Variants in NTRK2 observed in about 807,000 individuals in gnomAD.
NTRK2 encodes the protein neurotrophic receptor tyrosine kinase 2, also known as BDNF/NT-3 growth factors receptor.
NTRK2 carries 13 observed loss-of-function variants against 94.5 expected under a neutral mutation model. The ratio of observed to expected loss-of-function variants is 0.14; its 90% CI spans 0.09 to 0.22. The LOEUF (loss-of-function observed/expected upper bound fraction) is 0.22. NTRK2 is among the 10% of genes least tolerant of loss of function. NTRK2 has a pLI of 1.00. For missense variants in NTRK2, 639 were observed against 1,071.2 expected (o/e 0.60, Z 5.63); for synonymous variants, 372 against 407.4 (o/e 0.91, Z 1.05).
At chr9:84,979,172 G>C (rs1024455714) in intron 17 of NTRK2, among the ~76,000 whole-genome samples, 2 of 152,204 alleles carry the variant, frequency 1.3e-5, no homozygotes, top group African/African-American at 4.8e-5. Flanking sequence ...GGTAATAGCT[G>C]CCATAGAGAG....
intron 17 of NTRK2, among the ~76,000 whole-genome samples, chr9:84,983,463 T>A (rs1254073370): frequency 6.6e-6 from 1 of 152,224 alleles, no homozygotes; most frequent in African/African-American, 2.4e-5. Flanking sequence ...TATAAACAAC[T>A]GTCTTTGAAC....
chr9:85,003,685 C>A (rs1019908119), intron 17 of NTRK2, among the ~76,000 whole-genome samples: 1 of 151,938 alleles, frequency 6.6e-6, no homozygotes, highest in African/African-American at 2.4e-5. Flanking sequence ...GAAAAGAATC[C>A]TCCAGTTGCT....
At chr9:84,728,108 G>T in intron 9 of NTRK2, 149 bp downstream of exon 9, 1 of 767,092 alleles carries the variant, frequency 1.3e-6, no homozygotes, top group East Asian at 2.7e-5. Context: ...GGTCAGCGGA[G>T]TGGTTTTATT....
chr9:84,883,623 A>C (rs1442879817), intron 14 of NTRK2, among the ~76,000 whole-genome samples: 1 of 152,238 alleles, frequency 6.6e-6, no homozygotes, highest in Non-Finnish European at 1.5e-5. Flanking sequence ...AATACACCTG[A>C]CATGGGTCAC....
intron 12 of NTRK2, among the ~76,000 whole-genome samples, chr9:84,772,181 C>CCTCA (rs1343674892): frequency 1.3e-5 from 2 of 152,152 alleles, no homozygotes; most frequent in African/African-American, 4.8e-5. Flanking sequence ...ATAAAGCATA[C>CCTCA]CTCAGATGGA....
intron 12 of NTRK2, among the ~76,000 whole-genome samples, chr9:84,836,934 GTATAATATAA>G (rs56390905): frequency 0.21 from 27,492 of 134,028 alleles, 2,919 homozygotes; most frequent in Middle Eastern, 0.3. Context: ...TTGTCGTAGA[GTATAATATAA>G]TATAATATAA....
At chr9:84,769,387 G>A (rs573658566) in intron 12 of NTRK2, among the ~76,000 whole-genome samples, 22 of 152,282 alleles carry the variant, frequency 1.4e-4, no homozygotes, top group Admixed American at 9.8e-4. Flanking sequence ...GTCCCTGAAT[G>A]ATCACCTGAA....
chr9:84,751,008 A>T (rs1256748708), intron 11 of NTRK2, among the ~76,000 whole-genome samples: 1 of 152,180 alleles, frequency 6.6e-6, no homozygotes, highest in Non-Finnish European at 1.5e-5. Context: ...TGGCAATTAC[A>T]TTTTTAAACT....
chr9:84,864,218 G>T (rs2075465921), intron 13 of NTRK2, among the ~76,000 whole-genome samples: 1 of 152,142 alleles, frequency 6.6e-6, no homozygotes, highest in African/African-American at 2.4e-5. Context: ...AGCAACTGGG[G>T]TCAATGCATT....
intron 6 of NTRK2, among the ~76,000 whole-genome samples, chr9:84,713,211 T>C (rs2061518484): frequency 6.6e-6 from 1 of 152,206 alleles, no homozygotes; most frequent in South Asian, 2.1e-4. Context: ...AATTTCCTGT[T>C]TATATCCTTT....
intron 12 of NTRK2, among the ~76,000 whole-genome samples, chr9:84,846,609 C>A (rs2074485741): frequency 6.6e-6 from 1 of 152,224 alleles, no homozygotes. Context: ...TCCAGCCTTT[C>A]ATTACATTTT....
intron 12 of NTRK2, among the ~76,000 whole-genome samples, chr9:84,802,479 C>T (rs1052461109): frequency 3.3e-5 from 5 of 152,178 alleles, no homozygotes; most frequent in African/African-American, 4.8e-5. Flanking sequence ...GGTTGGCACA[C>T]GCCCCGCTGC....
In NTRK2 at chr9:84,823,362, C is replaced by T. The variant is rs192596934; in HGVS notation, c.1397-37678C>T. ...TCAGAAGAGTGTTTATGGAAGTGTACATCAATGCCTTGCCAGGCATGAGGA... is the reference window on the plus strand; with the variant it reads ...TCAGAAGAGTGTTTATGGAAGTGTATATCAATGCCTTGCCAGGCATGAGGA... On this transcript the variant is annotated intron_variant, in intron 12 of 18. Transcript: ENST00000277120. Among the ~76,000 whole-genome samples the T allele has an allele frequency of 9.1e-4, 139 of 152,332 alleles. 1 individual carries two copies. The highest frequency in any genetic ancestry group is 1.2e-3 in the Non-Finnish European group (81 of 68,032).
chr9:84,673,408 G>T (rs1019605456), intron 2 of NTRK2, among the ~76,000 whole-genome samples: 1 of 152,122 alleles, frequency 6.6e-6, no homozygotes, highest in East Asian at 1.9e-4. Flanking sequence ...AAACTTTGTT[G>T]TTAGGCCCAG....
Position 84,727,305 on chromosome 9 carries a change from T to C in NTRK2, c.854-349T>C, listed in dbSNP as rs1160279881. ...GTGATGAATCTGTATAATATCAAGA[T>C]ACAGATATTAGAAACCAAAGTCAAC... On this transcript the variant is annotated intron_variant, in intron 8 of 18. Coordinates refer to ENST00000277120, the MANE Select transcript of NTRK2 (RefSeq NM_006180.6). Among the ~76,000 whole-genome samples, 3 of 152,216 alleles carry C rather than the reference T, an allele frequency of 2.0e-5. No homozygotes were observed. In the East Asian group the frequency reaches 5.8e-4, roughly 29 times the overall value.
At chr9:84,836,922 G>C (rs2073903660) in intron 12 of NTRK2, among the ~76,000 whole-genome samples, 1 of 135,936 alleles carries the variant, frequency 7.4e-6, no homozygotes, top group Non-Finnish European at 1.6e-5. Flanking sequence ...TAGATTGAGA[G>C]CTTGTCGTAG....
chr9:84,690,965 C>T (rs2060018043), intron 2 of NTRK2, among the ~76,000 whole-genome samples: 1 of 151,964 alleles, frequency 6.6e-6, no homozygotes. Flanking sequence ...ATTTGAATAA[C>T]TATTTGAATT....
chr9:84,727,348 C>T (rs182174979), intron 8 of NTRK2, among the ~76,000 whole-genome samples: 11 of 152,190 alleles, frequency 7.2e-5, no homozygotes, highest in Admixed American at 3.9e-4. Context: ...GAACTCTTTC[C>T]GCTGTCAGAA....
At chr9:84,812,158 C>T (rs1224148570) in intron 12 of NTRK2, 13 of 1,058,162 alleles carry the variant, frequency 1.2e-5, no homozygotes, top group Non-Finnish European at 1.4e-5. Context: ...GTTTTGAATC[C>T]TCTGTAAACC....
Sources: allele counts gnomAD v4.1 joint callset (sites outside exome capture counted in the v4.1 genomes callset), GRCh38; gene constraint gnomAD v4.1.1; transcripts MANE v1.5; gene names NCBI Gene and HGNC (gene_info 2026-07-23, HGNC 2026-07-21).